Variants in CDH13 observed in about 807,000 individuals in gnomAD.
CDH13 encodes cadherin-13.
CDH13 carries 24 observed loss-of-function variants against 63.8 expected under a neutral mutation model. The ratio of observed to expected loss-of-function variants is 0.38; its 90% CI spans 0.27 to 0.53. The LOEUF is 0.53. CDH13 is among the 20% of genes least tolerant of loss of function. The pLI, the probability that CDH13 is intolerant of heterozygous loss-of-function variation, is 0.85. For missense variants in CDH13, 1,049 were observed against 903.1 expected, an observed-to-expected ratio of 1.16 and a Z score of -2.07; for synonymous variants, 503 against 355.3, an observed-to-expected ratio of 1.42 and a Z score of -4.67.
chr16:83,288,623 A>C (rs936244546), intron 5 of CDH13, among the ~76,000 whole-genome samples: 2 of 152,196 alleles, frequency 1.3e-5, no homozygotes, highest in Non-Finnish European at 2.9e-5. Context: ...CAGAGTTACC[A>C]AGAAGAAAGC....
intron 1 of CDH13, among the ~76,000 whole-genome samples, chr16:82,789,801 TTCATG>T (rs1468644956): frequency 3.9e-5 from 6 of 152,302 alleles, no homozygotes; most frequent in African/African-American, 1.4e-4. Flanking sequence ...TTTGAGAGCC[TTCATG>T]TCTCAGGTCC....
chr16:83,266,629 C>A (rs1199448394), intron 5 of CDH13, among the ~76,000 whole-genome samples: 1 of 152,194 alleles, frequency 6.6e-6, no homozygotes, highest in Non-Finnish European at 1.5e-5. Flanking sequence ...AAAAGGTAGA[C>A]TGTGCCCTTT....
intron 1 of CDH13, among the ~76,000 whole-genome samples, chr16:82,659,097 A>G (rs576166278): frequency 3.9e-5 from 6 of 152,180 alleles, no homozygotes; most frequent in Non-Finnish European, 8.8e-5. Context: ...TTATACAGAA[A>G]GTAATGCCAG....
At position 83,779,405 on chromosome 16, in the gene CDH13, T is replaced by TAAAAAAAAAAA. The variant is rs1174439191; in HGVS notation, c.1682-563_1682-562insAAAAAAAAAAA. Among the ~76,000 whole-genome samples the TAAAAAAAAAAA allele has an allele frequency of 4.4e-3, 296 of 67,802 alleles. 118 individuals carry two copies. Among genetic ancestry groups the TAAAAAAAAAAA allele is most frequent in the African/African-American group, 7.5e-3 (119 of 15,956 alleles). 44.5% of individuals were successfully genotyped at this position (67,802 alleles called of 152,430 possible). A position where few individuals can be genotyped will look rare whatever the true frequency, so the allele number is the denominator to read the frequency against. ...CCGGGCGACAGCGCGAGACTCCATC[T>TAAAAAAAAAAA]CAAAAAAAAAAAAAAAAAAAAAAAA... On this transcript the variant is annotated intron_variant, in intron 11 of 13. Coordinates refer to ENST00000567109, the MANE Select transcript of CDH13 (RefSeq NM_001257.5).
chr16:83,531,447 A>G (rs887155623), intron 7 of CDH13, among the ~76,000 whole-genome samples: 1 of 152,178 alleles, frequency 6.6e-6, no homozygotes, highest in African/African-American at 2.4e-5. Flanking sequence ...TGGTGTGATT[A>G]AGTCAAGGAT....
chr16:82,776,809 T>A (rs537587426), intron 1 of CDH13, among the ~76,000 whole-genome samples: 5 of 152,296 alleles, frequency 3.3e-5, no homozygotes, highest in African/African-American at 1.2e-4. Context: ...GAGCTTCCAC[T>A]TCAACCTGGG....
intron 3 of CDH13, among the ~76,000 whole-genome samples, chr16:83,063,084 C>A (rs73596287): frequency 6.6e-6 from 1 of 151,938 alleles, no homozygotes; most frequent in East Asian, 1.9e-4. Context: ...GCATCAGCCT[C>A]CCTAATAGCT....
At chr16:83,707,836 C>CAAAAAAAAAAAGAAAAAAAAAAAAAAA (rs1907342010) in intron 10 of CDH13, among the ~76,000 whole-genome samples, 1 of 78,902 alleles carries the variant, frequency 1.3e-5, no homozygotes, top group Non-Finnish European at 2.3e-5. Context: ...ACCCTAAAGG[C>CAAAAAAAAAAAGAAAAAAAAAAAAAAA]AAAAAAAAAA....
chr16:82,662,034 A>G (rs887758761), intron 1 of CDH13, among the ~76,000 whole-genome samples: 1 of 152,224 alleles, frequency 6.6e-6, no homozygotes, highest in African/African-American at 2.4e-5. Context: ...TCATGTGCAG[A>G]TGTAGGACAT....
intron 4 of CDH13, among the ~76,000 whole-genome samples, chr16:83,216,917 G>C (rs2039552490): frequency 6.6e-6 from 1 of 152,140 alleles, no homozygotes; most frequent in Admixed American, 6.6e-5. Flanking sequence ...GGTGACACTG[G>C]ATTAGTGGAT....
intron 6 of CDH13, among the ~76,000 whole-genome samples, chr16:83,405,969 C>G (rs147535054): frequency 6.6e-6 from 1 of 152,254 alleles, no homozygotes; most frequent in Non-Finnish European, 1.5e-5. Context: ...CACATGCCCT[C>G]AGCCCACCTG....
intron 3 of CDH13, among the ~76,000 whole-genome samples, chr16:83,039,555 G>A (rs897104883): frequency 2.0e-5 from 3 of 151,998 alleles, no homozygotes; most frequent in African/African-American, 4.8e-5. Flanking sequence ...TTTAATGTCC[G>A]CCTTGGATGA....
chr16:82,961,753 T>C (rs1283984998), intron 2 of CDH13, among the ~76,000 whole-genome samples: 1 of 152,238 alleles, frequency 6.6e-6, no homozygotes, highest in East Asian at 1.9e-4. Flanking sequence ...ATCCTGTCTT[T>C]GGTTCTCAAG....
intron 1 of CDH13, among the ~76,000 whole-genome samples, chr16:82,798,436 G>T (rs2036694058): frequency 6.6e-6 from 1 of 152,008 alleles, no homozygotes; most frequent in African/African-American, 2.4e-5. Context: ...TCAATACAGG[G>T]TTTCTTGAAA....
rs1236125453 is a variant in CDH13 at position 83,796,331 on chromosome 16, G to T, written c.*1301G>T. ...CGCCACGAACTAGGGTAAGGTGAGT[G>T]TCTTAGCATATTTTAATGCAGTTGC... On this transcript the variant is annotated 3_prime_UTR_variant, in exon 14 of 14. Coordinates refer to ENST00000567109, the MANE Select transcript of CDH13 (RefSeq NM_001257.5). The T allele has an allele frequency of 6.6e-6, 1 of 152,208 alleles. No individual in the cohort carries two copies. The highest frequency in any genetic ancestry group is 1.5e-5 in the Non-Finnish European group (1 of 68,044). The allele number at this position is 152,208 out of a possible 1,614,324, so 9.4% of individuals were successfully genotyped here. A position where few individuals can be genotyped will look rare whatever the true frequency, so the allele number is the denominator to read the frequency against.
chr16:83,516,385 AG>A (rs1415028654), intron 7 of CDH13, among the ~76,000 whole-genome samples: 1 of 152,244 alleles, frequency 6.6e-6, no homozygotes, highest in African/African-American at 2.4e-5. Flanking sequence ...ACTAGTTTCT[AG>A]CCTATAAAAA....
chr16:83,584,880 A>G (rs1350423259), intron 7 of CDH13, among the ~76,000 whole-genome samples: 1 of 151,526 alleles, frequency 6.6e-6, no homozygotes, highest in East Asian at 2.0e-4. Flanking sequence ...TGGGCACGTC[A>G]CATGGCAAAA....
intron 4 of CDH13, among the ~76,000 whole-genome samples, chr16:83,155,025 G>A (rs994126879): frequency 6.6e-6 from 1 of 152,116 alleles, no homozygotes; most frequent in African/African-American, 2.4e-5. Context: ...ATTCTCATTT[G>A]GAAAATAAGA....
intron 6 of CDH13, among the ~76,000 whole-genome samples, chr16:83,385,007 G>C (rs1030589100): frequency 2.0e-5 from 3 of 152,324 alleles, no homozygotes; most frequent in Non-Finnish European, 2.9e-5. Flanking sequence ...AAACAAAGAT[G>C]GTTGGCAAAC....
Sources: gnomAD v4.1 joint callset for allele counts (sites outside exome capture counted in the v4.1 genomes callset) on GRCh38, gnomAD v4.1.1 for gene constraint, MANE v1.5 for transcripts, NCBI Gene and HGNC (gene_info 2026-07-23, HGNC 2026-07-21) for gene names.